The following DNAH9 variants were observed in gnomAD, a reference collection of about 807,000 sequenced individuals.
DNAH9 encodes the protein dynein axonemal heavy chain 9, also known as DNAH9 variant protein.
DNAH9 carries 345 observed loss-of-function variants against 471.6 expected under a neutral mutation model. The observed-to-expected ratio is 0.73, with a 90% CI of 0.67 to 0.80. The LOEUF is 0.80. Among genes scored for constraint, DNAH9 ranks in the 30% least tolerant of loss-of-function variants. The pLI is 0.00. For missense variants in DNAH9, 5,407 were observed against 5,609.2 expected, an observed-to-expected ratio of 0.96 and a Z score of 1.15; for synonymous variants, 2,093 against 2,123.6, an observed-to-expected ratio of 0.99 and a Z score of 0.40.
intron 15 of DNAH9, among the ~76,000 whole-genome samples, chr17:11,666,499 C>T (rs2073870669): frequency 6.6e-6 from 1 of 152,196 alleles, no homozygotes; most frequent in Admixed American, 6.5e-5. Context: ...CAGGGGAACA[C>T]ATTTTCTTCA....
chr17:11,856,543 CAAAAAAAA>C (rs34782323), intron 50 of DNAH9, among the ~76,000 whole-genome samples: 1 of 137,062 alleles, frequency 7.3e-6, no homozygotes, highest in Admixed American at 7.5e-5. Context: ...ACTAAAAATA[CAAAAAAAA>C]AAAAATTAGC....
intron 49 of DNAH9, among the ~76,000 whole-genome samples, chr17:11,837,090 T>C (rs565961139): frequency 2.6e-5 from 4 of 152,336 alleles, no homozygotes; most frequent in African/African-American, 9.6e-5. Flanking sequence ...GTGGTGGTGG[T>C]GATGTTGTCA....
intron 35 of DNAH9, among the ~76,000 whole-genome samples, chr17:11,762,210 G>A (rs1051023449): frequency 6.6e-6 from 1 of 152,220 alleles, no homozygotes; most frequent in Non-Finnish European, 1.5e-5. Flanking sequence ...TGAATGGCGT[G>A]CTGTGCAGCT....
chr17:11,655,055 T>C (rs73290833), intron 14 of DNAH9, among the ~76,000 whole-genome samples: 106 of 152,272 alleles, frequency 7.0e-4, no homozygotes, highest in African/African-American at 2.5e-3. Flanking sequence ...GACATTTTTA[T>C]CTTTTTCTGC....
chr17:11,720,111 C>T (rs1304292999), intron 27 of DNAH9, among the ~76,000 whole-genome samples: 4 of 152,132 alleles, frequency 2.6e-5, no homozygotes, highest in Admixed American at 2.0e-4. Flanking sequence ...GGTTCTGAGT[C>T]ACCGAGAAAA....
chr17:11,616,575 T>C (rs1355434667), intron 4 of DNAH9, among the ~76,000 whole-genome samples: 1 of 152,250 alleles, frequency 6.6e-6, no homozygotes, highest in Non-Finnish European at 1.5e-5. Flanking sequence ...TAAAGGCCCC[T>C]TTCTTTCCTT....
intron 8 of DNAH9, among the ~76,000 whole-genome samples, chr17:11,633,937 G>A (rs1417611244): frequency 6.6e-6 from 1 of 152,222 alleles, no homozygotes; most frequent in Non-Finnish European, 1.5e-5. Context: ...AAAAGTGCTT[G>A]AAGGAGTCTT....
chr17:11,701,043 C>G, intron 23 of DNAH9, 79 bp from the exon 24 acceptor site: 1 of 1,504,994 alleles, frequency 6.6e-7, no homozygotes, highest in Non-Finnish European at 9.2e-7. Context: ...TTCACTCCCT[C>G]AGACTGAGTG....
At chr17:11,736,056 A>G (rs977441154) in intron 28 of DNAH9, among the ~76,000 whole-genome samples, 1 of 152,298 alleles carries the variant, frequency 6.6e-6, no homozygotes, top group Admixed American at 6.5e-5. Context: ...AGTTGTAAAA[A>G]TAGCATCGAA....
Position 11,669,185 on chromosome 17 carries a change from T to A in DNAH9, c.2853T>A (p.Gly951=). The A allele has an allele frequency of 6.2e-7, 1 of 1,613,726 alleles. No individual in the cohort carries two copies. ...GGGGTTTCTGTGACATTGTTGAGGG[T>A]CTCATCACCAGCATTTTTAGGATAC... is the stretch of plus-strand genomic sequence containing the variant. ...VKGGFCDIVE[G]LITSIFRIPS... The change falls in exon 16 of 69, where the codon GGT becomes GGA. Residue 951 remains glycine (G), a synonymous_variant. Coordinates refer to ENST00000262442, the MANE Select transcript of DNAH9 (RefSeq NM_001372.4).
chr17:11,817,013 C>G (rs1005816752), intron 45 of DNAH9, among the ~76,000 whole-genome samples: 1 of 151,820 alleles, frequency 6.6e-6, no homozygotes, highest in African/African-American at 2.4e-5. Context: ...GAGCCGAGAT[C>G]GCGCCACTGC....
intron 38 of DNAH9, among the ~76,000 whole-genome samples, chr17:11,778,329 CAAAAA>C (rs57983162): frequency 2.5e-4 from 12 of 48,630 alleles, no homozygotes; most frequent in East Asian, 7.6e-4. Flanking sequence ...GACTCCATCT[CAAAAA>C]AAAAAAAAAA....
chr17:11,893,643 C>T (rs1172244062), intron 58 of DNAH9, among the ~76,000 whole-genome samples: 3 of 152,112 alleles, frequency 2.0e-5, no homozygotes, highest in South Asian at 2.1e-4. Context: ...CATATTCTCA[C>T]TCATAAGTGG....
At chr17:11,812,137 A>T (rs1969951619) in intron 45 of DNAH9, among the ~76,000 whole-genome samples, 1 of 148,312 alleles carries the variant, frequency 6.7e-6, no homozygotes, top group African/African-American at 2.4e-5. Context: ...GTGCATGTTT[A>T]TATTAAAGAA....
chr17:11,766,692 C>CAT (rs1967950048), intron 36 of DNAH9, among the ~76,000 whole-genome samples: 4 of 152,124 alleles, frequency 2.6e-5, no homozygotes, highest in Admixed American at 2.6e-4. Context: ...GGGCTGGGTG[C>CAT]GGTGGCTCAC....
At chr17:11,738,169 T>C (rs569102921) in intron 28 of DNAH9, among the ~76,000 whole-genome samples, 12 of 152,272 alleles carry the variant, frequency 7.9e-5, no homozygotes, top group Non-Finnish European at 1.5e-4. Context: ...GGGGATGATG[T>C]AATTGAAGTG....
At chr17:11,910,438 T>C (rs1973756525) in intron 61 of DNAH9, among the ~76,000 whole-genome samples, 1 of 152,196 alleles carries the variant, frequency 6.6e-6, no homozygotes, top group South Asian at 2.1e-4. Context: ...CTGAACCACA[T>C]TTTATCTCTC....
intron 64 of DNAH9, among the ~76,000 whole-genome samples, chr17:11,933,517 A>G (rs1037008643): frequency 6.6e-6 from 1 of 151,870 alleles, no homozygotes; most frequent in Non-Finnish European, 1.5e-5. Flanking sequence ...AGTAGCTGGG[A>G]TTACAGGCAT....
chr17:11,955,286 C>T (rs1975580547), intron 67 of DNAH9, among the ~76,000 whole-genome samples: 2 of 151,680 alleles, frequency 1.3e-5, no homozygotes, highest in Admixed American at 6.6e-5. Flanking sequence ...CAGCAGAGAT[C>T]ATATGGCCCA....
Sources: gnomAD v4.1 joint callset for allele counts (sites outside exome capture counted in the v4.1 genomes callset) on GRCh38, gnomAD v4.1.1 for gene constraint, MANE v1.5 for transcripts, NCBI Gene and HGNC (gene_info 2026-07-23, HGNC 2026-07-21) for gene names.